The following SLIT2 variants were observed in gnomAD, a reference collection of about 807,000 sequenced individuals.
SLIT2 encodes slit guidance ligand 2.
In SLIT2, 41 loss-of-function variants were observed where a neutral mutation model predicts 185.7. That is an observed-to-expected ratio of 0.22 (90% confidence interval 0.17 to 0.29). The LOEUF (loss-of-function observed/expected upper bound fraction) is 0.29, where lower values mean the gene tolerates loss of function less well. Among genes scored for constraint, SLIT2 ranks in the 10% least tolerant of loss-of-function variants. The probability of loss-of-function intolerance (pLI) is 1.00; values close to 1 mark genes in which losing one functional copy is unlikely to be tolerated. For missense variants in SLIT2, 1,571 were observed against 1,909.0 expected, an observed-to-expected ratio of 0.82 and a Z score of 3.30; for synonymous variants, 693 against 680.2, an observed-to-expected ratio of 1.02 and a Z score of -0.29.
intron 4 of SLIT2, among the ~76,000 whole-genome samples, chr4:20,457,861 C>T (rs1713250809): frequency 6.6e-6 from 1 of 152,152 alleles, no homozygotes; most frequent in Non-Finnish European, 1.5e-5. Flanking sequence ...TGATGAAGCA[C>T]TTCATAGCTT....
At chr4:20,364,483 TA>T (rs1292472190) in intron 4 of SLIT2, among the ~76,000 whole-genome samples, 2 of 152,156 alleles carry the variant, frequency 1.3e-5, no homozygotes, top group African/African-American at 4.8e-5. Context: ...AGTCAGTCAG[TA>T]ACCATACTCT....
chr4:20,511,080 A>G lies in SLIT2; in HGVS notation c.1001A>G (p.Asn334Ser). 1 of 1,602,978 alleles carries G rather than the reference A, an allele frequency of 6.2e-7. No homozygotes were observed. Among genetic ancestry groups the G allele is most frequent in the Non-Finnish European group, 8.5e-7 (1 of 1,170,510 alleles). Reference protein sequence around the residue: ...KKLRRIDLSNNQISELAPDAF... With the variant: ...KKLRRIDLSNSQISELAPDAF... ...TCTAATCTTAGTGACCTGAGCAATA[A>G]TCAGATCTCTGAACTTGCACCAGAT... is the stretch of plus-strand genomic sequence containing the variant. Residue 334 changes from asparagine to serine, a missense_variant, in exon 11 of 37, where the codon AAT (asparagine) becomes AGT (serine). Around this residue, in one of 3 missense-constraint regions of SLIT2, gnomAD observed 1,202 missense variants for 1,416.4 expected, o/e 0.85. Transcript: ENST00000504154.
intron 4 of SLIT2, among the ~76,000 whole-genome samples, chr4:20,280,216 C>G (rs1714594592): frequency 6.6e-6 from 1 of 151,642 alleles, no homozygotes; most frequent in Non-Finnish European, 1.5e-5. Flanking sequence ...GCCTGTAGTC[C>G]CAGCTACTTG....
At chr4:20,358,412 G>T (rs898648025) in intron 4 of SLIT2, among the ~76,000 whole-genome samples, 1 of 152,100 alleles carries the variant, frequency 6.6e-6, no homozygotes, top group Non-Finnish European at 1.5e-5. Flanking sequence ...ATGAATAGAA[G>T]TCTGTTGTTC....
At chr4:20,502,018 G>C (rs1169801665) in intron 9 of SLIT2, among the ~76,000 whole-genome samples, 2 of 151,960 alleles carry the variant, frequency 1.3e-5, no homozygotes, top group Non-Finnish European at 2.9e-5. Flanking sequence ...TTCCCAAGAA[G>C]TTATTTAGGT....
intron 4 of SLIT2, among the ~76,000 whole-genome samples, chr4:20,342,716 A>ACT (rs1721057272): frequency 1.5e-5 from 1 of 68,394 alleles, no homozygotes. Context: ...CGACTATCGC[A>ACT]CTTTTTTTTT....
At position 20,499,759 on chromosome 4, in the gene SLIT2, AT is replaced by A. The variant is rs557524801; in HGVS notation, c.914+7862del. 2.0e-3 allele frequency among the ~76,000 whole-genome samples: 303 copies of A among 152,260 alleles called. 3 individuals are homozygous for A. Among genetic ancestry groups the A allele is most frequent in the African/African-American group, 7.0e-3 (291 of 41,528 alleles). ...TGCCTCAGCCTCCCAAAGTGCTGGG[AT>A]TACAGGGACATCACGCCATGCCCAG... On this transcript the variant is annotated intron_variant, in intron 9 of 36. Coordinates refer to ENST00000504154, the MANE Select transcript of SLIT2 (RefSeq NM_004787.4).
chr4:20,403,620 TTATTTATG>T (rs1292418865), intron 4 of SLIT2, among the ~76,000 whole-genome samples: 7 of 151,930 alleles, frequency 4.6e-5, no homozygotes, highest in African/African-American at 1.4e-4. Context: ...ATAAGTAACT[TTATTTATG>T]TATTTATGTA....
chr4:20,497,056 A>G (rs1375403506), intron 9 of SLIT2, among the ~76,000 whole-genome samples: 1 of 139,644 alleles, frequency 7.2e-6, no homozygotes, highest in Non-Finnish European at 1.6e-5. Flanking sequence ...CTCTTTAAAT[A>G]TTTCTGAGAT....
rs13140702 is a variant in SLIT2 at position 20,306,426 on chromosome 4, C to T, written c.395+37545C>T. Among the ~76,000 whole-genome samples the T allele has an allele frequency of 8.0e-3, 1,211 of 152,170 alleles. 6 individuals carry two copies. The highest frequency in any genetic ancestry group is 0.013 in the Non-Finnish European group (869 of 68,000). On this transcript the variant is annotated intron_variant, in intron 4 of 36. Transcript: ENST00000504154. ...TCCCAACATCAGTATGTAGAATGTGCCCCTATGCATAATATATAGCAATTT... is the reference window on the plus strand; with the variant it reads ...TCCCAACATCAGTATGTAGAATGTGTCCCTATGCATAATATATAGCAATTT...
At position 20,619,199 on chromosome 4, in the gene SLIT2, T is replaced by A; in HGVS notation, c.*190T>A. 1 of 573,722 alleles carries A rather than the reference T, an allele frequency of 1.7e-6. No individual in the cohort carries two copies. The highest frequency in any genetic ancestry group is 2.9e-6 in the Non-Finnish European group (1 of 345,832). The allele number at this position is 573,722 out of a possible 1,614,324, so 35.5% of individuals were successfully genotyped here. Reference sequence around the variant, plus strand: ...AAAAAAGAAATGCTTGAACTAAAGCTTCCCCTATGCTGGAGAAGTATGAAG... The same window carrying A: ...AAAAAAGAAATGCTTGAACTAAAGCATCCCCTATGCTGGAGAAGTATGAAG... On this transcript the variant is annotated 3_prime_UTR_variant, in exon 37 of 37. Transcript: ENST00000504154.
At chr4:20,570,523 A>G (rs542443550) in intron 29 of SLIT2, among the ~76,000 whole-genome samples, 3 of 151,730 alleles carry the variant, frequency 2.0e-5, no homozygotes, top group East Asian at 3.9e-4. Context: ...TTGCACTAAA[A>G]TCTGCTACCT....
At chr4:20,516,108 C>T (rs1171467234) in intron 11 of SLIT2, among the ~76,000 whole-genome samples, 1 of 152,240 alleles carries the variant, frequency 6.6e-6, no homozygotes, top group African/African-American at 2.4e-5. Context: ...AGCCACTGCG[C>T]CTGGCCTCTG....
chr4:20,570,412 T>C (rs1725471282), intron 29 of SLIT2, among the ~76,000 whole-genome samples: 1 of 151,950 alleles, frequency 6.6e-6, no homozygotes, highest in African/African-American at 2.4e-5. Flanking sequence ...ATATTACCAA[T>C]ATTATCACAC....
chr4:20,534,189 T>C (rs1301040280), intron 18 of SLIT2, among the ~76,000 whole-genome samples: 4 of 152,202 alleles, frequency 2.6e-5, no homozygotes, highest in African/African-American at 9.7e-5. Context: ...GACTGTAAGC[T>C]TTAGAATCCC....
chr4:20,596,767 A>G (rs1728013229), intron 32 of SLIT2, 112 bp downstream of exon 32: 1 of 1,036,800 alleles, frequency 9.6e-7, no homozygotes, highest in Non-Finnish European at 1.4e-6. Flanking sequence ...ATAGACAGTT[A>G]AAAACAGAAA....
chr4:20,437,687 C>T (rs113969361), intron 4 of SLIT2, among the ~76,000 whole-genome samples: 14,217 of 151,570 alleles, frequency 0.094, 734 homozygotes, highest in Non-Finnish European at 0.11. Context: ...CTGAGGCGGG[C>T]GGATCACGAG....
intron 4 of SLIT2, among the ~76,000 whole-genome samples, chr4:20,425,692 T>C (rs1170396589): frequency 6.6e-6 from 1 of 152,206 alleles, no homozygotes; most frequent in Non-Finnish European, 1.5e-5. Context: ...TTCCTTTTAG[T>C]GAGTTCAACT....
intron 7 of SLIT2, 125 bp from the exon 8 acceptor site, chr4:20,488,694 A>T: frequency 1.5e-6 from 1 of 650,404 alleles, no homozygotes; most frequent in Non-Finnish European, 2.4e-6. Flanking sequence ...TTTAATTTTT[A>T]GGAAAAATAA....
Sources: gnomAD v4.1 joint callset for allele counts (sites outside exome capture counted in the v4.1 genomes callset) on GRCh38, gnomAD v4.1.1 for gene constraint, gnomAD v4.1.1 regional missense constraint, MANE v1.5 for transcripts, NCBI Gene and HGNC (gene_info 2026-07-23, HGNC 2026-07-21) for gene names.